Variants in CACNA2D1 observed in about 807,000 individuals in gnomAD.
The protein encoded by CACNA2D1 is voltage-dependent calcium channel subunit alpha-2/delta-1.
In CACNA2D1, 53 loss-of-function variants were observed where a neutral mutation model predicts 171.5. The observed-to-expected ratio is 0.31, with a 90% CI of 0.25 to 0.39. The LOEUF (loss-of-function observed/expected upper bound fraction) is 0.39. CACNA2D1 is among the 10% of genes least tolerant of loss of function. CACNA2D1 has a pLI of 1.00. For synonymous variants in CACNA2D1, 442 were observed against 443.1 expected, an observed-to-expected ratio of 1.00 and a Z score of 0.03; for missense variants, 903 against 1,299.8, an observed-to-expected ratio of 0.69 and a Z score of 4.69.
intron 3 of CACNA2D1, among the ~76,000 whole-genome samples, chr7:82,332,566 G>GAAAGAAAGAAAGAAAGAAAGAA (rs1182049378): frequency 7.1e-6 from 1 of 141,304 alleles, no homozygotes; most frequent in Non-Finnish European, 1.6e-5. Context: ...AAGAAAGAAA[G>GAAAGAAAGAAAGAAAGAAAGAA]AACGAACAGA....
At chr7:82,215,487 T>C (rs1486025806) in intron 3 of CACNA2D1, among the ~76,000 whole-genome samples, 1 of 152,102 alleles carries the variant, frequency 6.6e-6, no homozygotes, top group Non-Finnish European at 1.5e-5. Flanking sequence ...TCACTCCAAA[T>C]AAACCATTCC....
rs1343308763 is a variant in CACNA2D1 at position 82,099,728 on chromosome 7, C to T, written c.527-14828G>A. ...CCTCCCAAAGTGCTGGGATTACAGGCGTGAGCCACCGCGCCCGGCCGCAAT... is the reference window on the plus strand; with the variant it reads ...CCTCCCAAAGTGCTGGGATTACAGGTGTGAGCCACCGCGCCCGGCCGCAAT... On this transcript the variant is annotated intron_variant, in intron 6 of 38. Coordinates refer to ENST00000356860, the MANE Select transcript of CACNA2D1 (RefSeq NM_000722.4). Among the ~76,000 whole-genome samples, 5 of 57,620 alleles carry T rather than the reference C, an allele frequency of 8.7e-5. 1 individual carries two copies. Among genetic ancestry groups the T allele is most frequent in the East Asian group, 1.1e-3 (2 of 1,776 alleles). The allele number at this position is 57,620 out of a possible 152,430, so 37.8% of individuals were successfully genotyped here.
chr7:82,296,817 A>G (rs1272067801), intron 3 of CACNA2D1, among the ~76,000 whole-genome samples: 1 of 152,198 alleles, frequency 6.6e-6, no homozygotes, highest in African/African-American at 2.4e-5. Flanking sequence ...GTTGGCATTC[A>G]ATAAATAAGA....
intron 3 of CACNA2D1, among the ~76,000 whole-genome samples, chr7:82,296,386 C>T (rs1812292520): frequency 6.6e-6 from 1 of 152,090 alleles, no homozygotes. Flanking sequence ...AATGTGTCTG[C>T]TAAAATTTTG....
At chr7:82,012,820 T>A (rs1010909199) in intron 14 of CACNA2D1, among the ~76,000 whole-genome samples, 2 of 152,138 alleles carry the variant, frequency 1.3e-5, no homozygotes, top group African/African-American at 4.8e-5. Context: ...AAATTTTGAC[T>A]TCGTTTATTT....
At chr7:82,310,775 T>C (rs959972397) in intron 3 of CACNA2D1, among the ~76,000 whole-genome samples, 8 of 152,146 alleles carry the variant, frequency 5.3e-5, no homozygotes, top group African/African-American at 1.9e-4. Flanking sequence ...TTTGAAATCT[T>C]TTAATTATCA....
intron 1 of CACNA2D1, among the ~76,000 whole-genome samples, chr7:82,390,427 C>G (rs1824976165): frequency 6.6e-6 from 1 of 152,132 alleles, no homozygotes; most frequent in African/African-American, 2.4e-5. Flanking sequence ...GGTATTCTCC[C>G]TGCTCTCAGG....
intron 3 of CACNA2D1, among the ~76,000 whole-genome samples, chr7:82,214,757 A>T (rs908646216): frequency 3.3e-5 from 5 of 152,224 alleles, no homozygotes; most frequent in African/African-American, 9.6e-5. Context: ...AGCAAGTTAA[A>T]TATCAAGAAA....
At chr7:82,343,282 T>G (rs1402687174) in intron 2 of CACNA2D1, 1 of 152,174 alleles carries the variant, frequency 6.6e-6, no homozygotes, top group Non-Finnish European at 1.5e-5. Flanking sequence ...GAAGTCACAA[T>G]TGGTGAGCGT....
Position 82,050,775 on chromosome 7 carries a change from T to C in CACNA2D1, c.879+9653A>G, listed in dbSNP as rs1197810419. ...AATAATCATCATCATAATACATGATTACAATATATAAGCACTTTACATGTG... is the reference window on the plus strand; with the variant it reads ...AATAATCATCATCATAATACATGATCACAATATATAAGCACTTTACATGTG... On this transcript the variant is annotated intron_variant, in intron 10 of 38. Transcript: ENST00000356860. 96 of 630,948 alleles carry C rather than the reference T, an allele frequency of 1.5e-4. No homozygotes were observed. The East Asian group carries it at 2.6e-3, about 17-fold the overall frequency. The allele number at this position is 630,948 out of a possible 1,614,324, so 39.1% of individuals were successfully genotyped here. A position where few individuals can be genotyped will look rare whatever the true frequency, so the allele number is the denominator to read the frequency against.
At chr7:82,067,895 T>C (rs1424897699) in intron 7 of CACNA2D1, among the ~76,000 whole-genome samples, 3 of 152,168 alleles carry the variant, frequency 2.0e-5, no homozygotes, top group Admixed American at 6.6e-5. Context: ...GCTATGCTGA[T>C]AATACATTTC....
intron 10 of CACNA2D1, among the ~76,000 whole-genome samples, chr7:82,055,303 A>T (rs888843906): frequency 3.3e-5 from 5 of 152,126 alleles, no homozygotes; most frequent in Non-Finnish European, 1.5e-5. Context: ...GCGTTCCTAG[A>T]GACCATAAAA....
intron 19 of CACNA2D1, 73 bp downstream of exon 19, chr7:81,997,106 A>G (rs1798124350): frequency 1.2e-6 from 1 of 850,648 alleles, no homozygotes; most frequent in Non-Finnish European, 2.1e-6. Flanking sequence ...TAGCCGTTCA[A>G]CAGATACTTG....
rs866821665 is a variant in CACNA2D1 at position 82,349,507 on chromosome 7, G to T, written c.177+61C>A. On this transcript the variant is annotated intron_variant, in intron 2 of 38. Coordinates refer to ENST00000356860, the MANE Select transcript of CACNA2D1 (RefSeq NM_000722.4). ...AATATAGAGACACAGTTTCCTAGAA[G>T]ATAGAACTGCATTCGAATTAATGAA... The T allele has an allele frequency of 9.5e-6, 12 of 1,267,156 alleles. No homozygotes were observed. The East Asian group carries it at 2.8e-4, about 29-fold the overall frequency. The allele number at this position is 1,267,156 out of a possible 1,614,324, so 78.5% of individuals were successfully genotyped here. A position where few individuals can be genotyped will look rare whatever the true frequency, so the allele number is the denominator to read the frequency against.
chr7:82,091,665 G>A (rs1482388591), intron 6 of CACNA2D1, among the ~76,000 whole-genome samples: 1 of 152,176 alleles, frequency 6.6e-6, no homozygotes, highest in Non-Finnish European at 1.5e-5. Context: ...TAAGATTTGA[G>A]GAGGGAGAAG....
intron 10 of CACNA2D1, among the ~76,000 whole-genome samples, chr7:82,049,220 T>C (rs77221859): frequency 0.022 from 3,282 of 152,058 alleles, 131 homozygotes; most frequent in African/African-American, 0.073. Context: ...GATCTTTTCT[T>C]ACTGTCCATA....
rs142051255 is a variant in CACNA2D1, at chr7:82,370,348, A to T, written c.96-20699T>A. ...AAGTATGAAATTTTGGAAAATCAATATAAGAACTGTAAAGAAATAAGTGGA... is the reference window on the plus strand; with the variant it reads ...AAGTATGAAATTTTGGAAAATCAATTTAAGAACTGTAAAGAAATAAGTGGA... On this transcript the variant is annotated intron_variant, in intron 1 of 38. Transcript: ENST00000356860. Among the ~76,000 whole-genome samples the T allele has an allele frequency of 9.2e-3, 1,401 of 152,078 alleles. 14 individuals are homozygous for T. Among genetic ancestry groups the T allele is most frequent in the African/African-American group, 0.031 (1,297 of 41,466 alleles).
intron 21 of CACNA2D1, among the ~76,000 whole-genome samples, chr7:81,990,695 A>G (rs943847752): frequency 2.0e-5 from 3 of 152,200 alleles, no homozygotes; most frequent in African/African-American, 7.2e-5. Context: ...GAGAATTACC[A>G]AGAGATTACT....
intron 12 of CACNA2D1, among the ~76,000 whole-genome samples, chr7:82,015,812 A>G (rs1355853781): frequency 2.0e-5 from 3 of 152,186 alleles, no homozygotes; most frequent in African/African-American, 7.2e-5. Context: ...GAGATTTCAC[A>G]TCTGTTCTCT....
Sources: gnomAD v4.1 joint callset for allele counts (sites outside exome capture counted in the v4.1 genomes callset) on GRCh38, gnomAD v4.1.1 for gene constraint, MANE v1.5 for transcripts, NCBI Gene and HGNC (gene_info 2026-07-23, HGNC 2026-07-21) for gene names.